The following ZNF782 variants were observed in gnomAD, a reference collection of about 807,000 sequenced individuals.
The protein encoded by ZNF782 is zinc finger protein 782.
ZNF782 carries 12 observed loss-of-function variants against 13.0 expected under a neutral mutation model. The observed-to-expected ratio is 0.92, with a 90% CI of 0.59 to 1.50. ZNF782 has a LOEUF of 1.50. Ranked by LOEUF, ZNF782 falls within the 40% of genes most tolerant of loss-of-function variation. The pLI, the probability that ZNF782 is intolerant of heterozygous loss-of-function variation, is 0.00. For missense variants in ZNF782, 770 were observed against 822.9 expected (o/e 0.94, Z 0.79); for synonymous variants, 284 against 283.0 (o/e 1.00, Z -0.04).
At chr9:96,853,684 G>T (rs1851572206) in intron 1 of ZNF782, among the ~76,000 whole-genome samples, 1 of 152,200 alleles carries the variant, frequency 6.6e-6, no homozygotes, top group South Asian at 2.1e-4. Flanking sequence ...AGTATTTGGG[G>T]ACATGACATT....
intron 4 of ZNF782, among the ~76,000 whole-genome samples, chr9:96,840,516 T>C (rs531113387): frequency 6.6e-6 from 1 of 152,206 alleles, no homozygotes; most frequent in Admixed American, 6.5e-5. Flanking sequence ...AAGGTTTTCT[T>C]AACCTCAGAA....
chr9:96,911,149 T>TA, the ZNF782 span, among the ~76,000 whole-genome samples: 19 of 144,996 alleles, frequency 1.3e-4, no homozygotes, highest in East Asian at 3.4e-3. Flanking sequence ...AAAAAACTTG[T>TA]AAAAAAAGGG....
At chr9:96,843,134 T>C (rs755611979) in intron 4 of ZNF782, among the ~76,000 whole-genome samples, 24 of 152,128 alleles carry the variant, frequency 1.6e-4, no homozygotes, top group Non-Finnish European at 2.6e-4. Flanking sequence ...GGAAATAGTT[T>C]GGCACTTTCT....
intron 2 of ZNF782, among the ~76,000 whole-genome samples, chr9:96,852,263 G>A (rs1402711935): frequency 6.6e-6 from 1 of 152,206 alleles, no homozygotes; most frequent in Non-Finnish European, 1.5e-5. Context: ...ATGCACATGT[G>A]CTTCTAACAC....
the ZNF782 span, among the ~76,000 whole-genome samples, chr9:96,917,357 T>G: frequency 6.6e-6 from 1 of 151,472 alleles, no homozygotes; most frequent in Non-Finnish European, 1.5e-5. Context: ...GCAAGGCTAT[T>G]TGTGGTAGAA....
the ZNF782 span, among the ~76,000 whole-genome samples, chr9:96,932,735 C>T: frequency 6.6e-6 from 1 of 151,870 alleles, no homozygotes; most frequent in East Asian, 2.0e-4. Context: ...TCATCACAAC[C>T]TCCGCCTCCT....
At position 96,827,062 on chromosome 9, in the gene ZNF782, T is replaced by C. The variant is rs776104470; in HGVS notation, c.244+18A>G. On this transcript the variant is annotated intron_variant, in intron 5 of 5. Transcript: ENST00000481138. ...AGTGAATCAGAGAACCTTCTTCTTG[T>C]TGAATTCAGTAACTCACCTGGGGAG... 3 of 1,561,376 alleles carry C rather than the reference T, an allele frequency of 1.9e-6. No homozygotes were observed. Among genetic ancestry groups the C allele is most frequent in the Non-Finnish European group, 2.6e-6 (3 of 1,138,472 alleles).
chr9:96,882,381 A>G, the ZNF782 span, among the ~76,000 whole-genome samples: 76 of 152,308 alleles, frequency 5.0e-4, no homozygotes, highest in Middle Eastern at 3.4e-3. Context: ...TTCCTTTTGC[A>G]TATTTCATAT....
Position 96,853,580 on chromosome 9 carries a change from C to A in ZNF782, c.-262+508G>T, listed in dbSNP as rs536599352. On this transcript the variant is annotated intron_variant, in intron 1 of 5. Transcript: ENST00000481138. ...AGACACCCTGACAATGCAGAAGGGGCCAGGAACCTGTCTGACCCAAGAGAT... is the reference window on the plus strand; with the variant it reads ...AGACACCCTGACAATGCAGAAGGGGACAGGAACCTGTCTGACCCAAGAGAT... 2.5e-4 allele frequency among the ~76,000 whole-genome samples: 38 copies of A among 152,274 alleles called. 1 individual carries two copies. In the South Asian group the frequency reaches 7.9e-3, roughly 32 times the overall value.
chr9:96,888,045 C>G, the ZNF782 span: 1 of 149,578 alleles, frequency 6.7e-6, no homozygotes, highest in Admixed American at 6.7e-5. Flanking sequence ...GGAGGGATAG[C>G]ATTTGGAGAT....
the ZNF782 span, chr9:96,887,331 A>AAGGGAGGGAGGGAGGG: frequency 5.0e-5 from 7 of 140,778 alleles, no homozygotes; most frequent in African/African-American, 2.3e-4. Flanking sequence ...GGAAGGAAGG[A>AAGGGAGGGAGGGAGGG]AGGAAGGAAG....
At chr9:96,837,711 G>A (rs935739803) in intron 4 of ZNF782, among the ~76,000 whole-genome samples, 3 of 152,076 alleles carry the variant, frequency 2.0e-5, no homozygotes, top group East Asian at 1.9e-4. Flanking sequence ...CAGAAGGTAC[G>A]CTATGTTGTA....
chr9:96,853,062 T>C lies in ZNF782; in HGVS notation c.-254A>G, dbSNP rs887103883. The C allele has an allele frequency of 3.3e-5, 5 of 152,422 alleles. No individual in the cohort carries two copies. Among genetic ancestry groups the C allele is most frequent in the African/African-American group, 1.2e-4 (5 of 41,438 alleles). 9.4% of individuals were successfully genotyped at this position (152,422 alleles called of 1,614,324 possible). ...CCAGTGTCACATATGTTAACAGCAG[T>C]ATGGCATCTGTAAAGAGTGGAGAAC... On this transcript the variant is annotated 5_prime_UTR_variant, in exon 2 of 6. It adds an upstream start codon to the 5' untranslated region. Coordinates refer to ENST00000481138, the MANE Select transcript of ZNF782 (RefSeq NM_001001662.3).
At chr9:96,821,032 G>A (rs1850400824) in intron 5 of ZNF782, among the ~76,000 whole-genome samples, 1 of 152,156 alleles carries the variant, frequency 6.6e-6, no homozygotes, top group South Asian at 2.1e-4. Context: ...CCTGGACTTA[G>A]AAACTTTACA....
At chr9:96,928,092 G>A in the ZNF782 span, among the ~76,000 whole-genome samples, 30 of 150,948 alleles carry the variant, frequency 2.0e-4, no homozygotes, top group Admixed American at 2.0e-3. Context: ...AAAATGTGGT[G>A]GCCAGAGAAA....
intron 3 of ZNF782, among the ~76,000 whole-genome samples, chr9:96,846,866 T>C (rs1851354413): frequency 6.6e-6 from 1 of 152,124 alleles, no homozygotes; most frequent in African/African-American, 2.4e-5. Context: ...CAAAATGCTC[T>C]CCAAGAACTG....
chr9:96,884,736 C>G, the ZNF782 span, among the ~76,000 whole-genome samples: 1 of 152,100 alleles, frequency 6.6e-6, no homozygotes, highest in African/African-American at 2.4e-5. Flanking sequence ...AGTCAGTGCC[C>G]CATTTTTACC....
intron 1 of ZNF782, among the ~76,000 whole-genome samples, chr9:96,871,800 A>G (rs1851832143): frequency 6.6e-6 from 1 of 152,232 alleles, no homozygotes; most frequent in Non-Finnish European, 1.5e-5. Context: ...TGATACTTCT[A>G]CAAGTATCAA....
At chr9:96,861,390 GA>G (rs1164995294) in intron 2 of ZNF782, 2 of 152,118 alleles carry the variant, frequency 1.3e-5, no homozygotes, top group Non-Finnish European at 2.9e-5. Context: ...TAACTCAGTA[GA>G]AAAAAATCTA....
Sources: gnomAD v4.1 joint callset for allele counts (sites outside exome capture counted in the v4.1 genomes callset) on GRCh38, gnomAD v4.1.1 for gene constraint, MANE v1.5 for transcripts, NCBI Gene and HGNC (gene_info 2026-07-23, HGNC 2026-07-21) for gene names.